The following KIAA1328 variants were observed in gnomAD, a reference collection of about 807,000 sequenced individuals.
KIAA1328 encodes KIAA1328, also known as protein hinderin.
In KIAA1328, 52 loss-of-function variants were observed where a neutral mutation model predicts 68.1. The ratio of observed to expected loss-of-function variants is 0.76; its 90% CI spans 0.61 to 0.96. KIAA1328 has a LOEUF of 0.96. KIAA1328 is among the 40% of genes least tolerant of loss of function. The probability of loss-of-function intolerance (pLI) is 0.00; values close to 1 mark genes in which losing one functional copy is unlikely to be tolerated. For synonymous variants in KIAA1328, 232 were observed against 239.4 expected (o/e 0.97, Z 0.28); for missense variants, 641 against 677.6 (o/e 0.95, Z 0.60).
At chr18:37,018,382 A>T (rs1406266851) in intron 6 of KIAA1328, among the ~76,000 whole-genome samples, 1 of 151,838 alleles carries the variant, frequency 6.6e-6, no homozygotes, top group Non-Finnish European at 1.5e-5. Context: ...CTTTTTCTCT[A>T]GCTGCCTTTA....
At chr18:37,208,611 T>A (rs745815877) in intron 9 of KIAA1328, among the ~76,000 whole-genome samples, 18 of 152,150 alleles carry the variant, frequency 1.2e-4, no homozygotes, top group Admixed American at 1.0e-3. Flanking sequence ...AGTAGTATAA[T>A]GACAGACTGG....
chr18:36,909,703 T>C (rs1303168937), intron 5 of KIAA1328, among the ~76,000 whole-genome samples: 2 of 152,352 alleles, frequency 1.3e-5, no homozygotes, highest in East Asian at 3.9e-4. Context: ...CCTTGAGGAA[T>C]CGCCACACTG....
intron 5 of KIAA1328, among the ~76,000 whole-genome samples, chr18:36,909,605 G>A (rs2049355309): frequency 6.6e-6 from 1 of 152,190 alleles, no homozygotes; most frequent in Non-Finnish European, 1.5e-5. Flanking sequence ...ATGTGTGCAT[G>A]TGTCTTTATA....
chr18:36,852,011 T>C (rs555796212), intron 4 of KIAA1328, among the ~76,000 whole-genome samples: 80 of 152,178 alleles, frequency 5.3e-4, no homozygotes, highest in Non-Finnish European at 9.0e-4. Context: ...AGATACTTTC[T>C]AATTTTCTTT....
intron 6 of KIAA1328, among the ~76,000 whole-genome samples, chr18:37,018,404 A>G (rs2054226559): frequency 6.6e-6 from 1 of 151,902 alleles, no homozygotes. Flanking sequence ...GATTTTTTTC[A>G]TTTAGCATTG....
At chr18:37,034,200 T>C (rs1279670412) in intron 6 of KIAA1328, among the ~76,000 whole-genome samples, 1 of 152,142 alleles carries the variant, frequency 6.6e-6, no homozygotes, top group South Asian at 2.1e-4. Context: ...ATAAAACTTA[T>C]GGGGATTACA....
chr18:36,970,872 T>C (rs2052173087), intron 6 of KIAA1328, among the ~76,000 whole-genome samples: 1 of 152,176 alleles, frequency 6.6e-6, no homozygotes, highest in Non-Finnish European at 1.5e-5. Context: ...ATGGCCGCAA[T>C]GCCCAAAGTA....
Position 37,222,126 on chromosome 18 carries a change from C to T in KIAA1328, c.1633C>T (p.Arg545Ter), listed in dbSNP as rs992833068. 6.8e-6 allele frequency: 11 copies of T among 1,612,176 alleles called. No homozygotes were observed. The highest frequency in any genetic ancestry group is 3.3e-5 in the South Asian group (3 of 90,528). ...EAGAWNHGTF[R>*]LSPLKSTRKK... ...TGGGGCCTGGAATCATGGTACTTTC[C>T]GACTCAGTCCTCTAAAATCAACCCG... The change falls in exon 10 of 10, where the codon CGA (arginine) becomes TGA (stop). Residue 545 changes from arginine to a stop codon, truncating the protein, a stop_gained. Coordinates refer to ENST00000280020, the MANE Select transcript of KIAA1328 (RefSeq NM_020776.3). LOFTEE classifies it high-confidence loss of function.
At chr18:37,126,704 C>A (rs2058399492) in intron 7 of KIAA1328, among the ~76,000 whole-genome samples, 1 of 152,118 alleles carries the variant, frequency 6.6e-6, no homozygotes, top group South Asian at 2.1e-4. Flanking sequence ...AAATCCTCAA[C>A]TAAATATTAG....
chr18:36,904,405 A>G (rs1387307400), intron 5 of KIAA1328, among the ~76,000 whole-genome samples: 2 of 151,964 alleles, frequency 1.3e-5, no homozygotes, highest in African/African-American at 4.8e-5. Flanking sequence ...TTGAAATTCC[A>G]TTTTTAGATG....
At chr18:36,842,167 T>C (rs917988815) in intron 3 of KIAA1328, among the ~76,000 whole-genome samples, 1 of 152,192 alleles carries the variant, frequency 6.6e-6, no homozygotes, top group Non-Finnish European at 1.5e-5. Flanking sequence ...GAGGGCAGAA[T>C]AAGTCGGAAT....
At chr18:37,138,415 A>G (rs899141930) in intron 7 of KIAA1328, among the ~76,000 whole-genome samples, 39 of 152,116 alleles carry the variant, frequency 2.6e-4, no homozygotes, top group Non-Finnish European at 5.4e-4. Flanking sequence ...TCTCTTTCCT[A>G]CACCACACAT....
intron 7 of KIAA1328, among the ~76,000 whole-genome samples, chr18:37,106,611 G>A (rs1295529642): frequency 6.6e-6 from 1 of 151,926 alleles, no homozygotes; most frequent in Non-Finnish European, 1.5e-5. Flanking sequence ...TAGAGACTGG[G>A]TTTCACCATG....
At chr18:37,145,387 T>A (rs2058874218) in intron 7 of KIAA1328, among the ~76,000 whole-genome samples, 1 of 152,178 alleles carries the variant, frequency 6.6e-6, no homozygotes, top group Non-Finnish European at 1.5e-5. Flanking sequence ...TCTGTCTTGG[T>A]CAGTATTCCA....
chr18:37,228,832 GAAA>G (rs961386540), downstream of KIAA1328, among the ~76,000 whole-genome samples: 3 of 145,916 alleles, frequency 2.1e-5, no homozygotes, highest in African/African-American at 5.0e-5. Context: ...AAAAAAAAAA[GAAA>G]AAAAAAAGAT....
intron 7 of KIAA1328, among the ~76,000 whole-genome samples, chr18:37,079,829 G>T (rs2056886514): frequency 6.6e-6 from 1 of 150,480 alleles, no homozygotes; most frequent in Non-Finnish European, 1.5e-5. Flanking sequence ...GGAGGTTGCA[G>T]TGAGCTGAGA....
At chr18:37,109,927 C>A (rs556648005) in intron 7 of KIAA1328, among the ~76,000 whole-genome samples, 3 of 151,954 alleles carry the variant, frequency 2.0e-5, no homozygotes, top group Non-Finnish European at 4.4e-5. Flanking sequence ...ACAGTAACTG[C>A]TTATTCTGCT....
At chr18:37,028,376 A>G (rs1043391111) in intron 6 of KIAA1328, among the ~76,000 whole-genome samples, 1 of 152,094 alleles carries the variant, frequency 6.6e-6, no homozygotes, top group Non-Finnish European at 1.5e-5. Context: ...ATTATTCTAT[A>G]TTGAATTTGT....
intron 5 of KIAA1328, among the ~76,000 whole-genome samples, chr18:36,954,687 C>CTTTTTTTTTTTTTTTTTTTTTT (rs35883053): frequency 4.1e-5 from 5 of 121,074 alleles, no homozygotes; most frequent in African/African-American, 5.7e-5. Flanking sequence ...AAAGACTTCA[C>CTTTTTTTTTTTTTTTTTTTTTT]TTTTTTTTTT....
Sources: gnomAD v4.1 joint callset for allele counts (sites outside exome capture counted in the v4.1 genomes callset) on GRCh38, gnomAD v4.1.1 for gene constraint, MANE v1.5 for transcripts, NCBI Gene and HGNC (gene_info 2026-07-23, HGNC 2026-07-21) for gene names.